The following HCN1 variants were observed in gnomAD, a reference collection of about 807,000 sequenced individuals.
HCN1 encodes hyperpolarization activated cyclic nucleotide gated potassium channel 1, also known as potassium/sodium hyperpolarization-activated cyclic nucleotide-gated channel 1.
Under a neutral mutation model 78.9 loss-of-function variants are expected in HCN1, and 13 were observed. The ratio of observed to expected loss-of-function variants is 0.16; its 90% CI spans 0.11 to 0.26. HCN1 has a LOEUF of 0.26. Among genes scored for constraint, HCN1 ranks in the 10% least tolerant of loss-of-function variants. The pLI is 1.00. For synonymous variants in HCN1, 552 were observed against 455.5 expected, an observed-to-expected ratio of 1.21 and a Z score of -2.70; for missense variants, 810 against 1,154.3, an observed-to-expected ratio of 0.70 and a Z score of 4.32.
chr5:45,448,931 T>A (rs1740852701), intron 3 of HCN1, among the ~76,000 whole-genome samples: 1 of 152,118 alleles, frequency 6.6e-6, no homozygotes, highest in Non-Finnish European at 1.5e-5. Context: ...CTGGCCAACA[T>A]GGGAAAATCC....
intron 5 of HCN1, among the ~76,000 whole-genome samples, chr5:45,319,694 T>G (rs1490862697): frequency 1.3e-5 from 2 of 151,622 alleles, no homozygotes; most frequent in East Asian, 3.9e-4. Context: ...ATTTGTTTCC[T>G]GGTTTTTTTT....
At chr5:45,659,248 C>A (rs1745865125) in intron 1 of HCN1, among the ~76,000 whole-genome samples, 1 of 138,718 alleles carries the variant, frequency 7.2e-6, no homozygotes, top group Non-Finnish European at 1.5e-5. Flanking sequence ...AGGGTCCTGT[C>A]TGTTAGAAGG....
chr5:45,371,770 T>G (rs1163916459), intron 4 of HCN1, among the ~76,000 whole-genome samples: 1 of 141,828 alleles, frequency 7.1e-6, no homozygotes, highest in Non-Finnish European at 1.5e-5. Flanking sequence ...AAAAAAAATA[T>G]ATATATATAT....
chr5:45,379,688 A>G (rs1375540950), intron 4 of HCN1, among the ~76,000 whole-genome samples: 1 of 152,130 alleles, frequency 6.6e-6, no homozygotes, highest in Non-Finnish European at 1.5e-5. Context: ...AGGAAAGCTT[A>G]GACTAACAAA....
chr5:45,524,125 C>A (rs186298027), intron 2 of HCN1, among the ~76,000 whole-genome samples: 1 of 152,162 alleles, frequency 6.6e-6, no homozygotes, highest in African/African-American at 2.4e-5. Flanking sequence ...GGAATCCTTT[C>A]GCCATTTCTT....
At chr5:45,308,620 T>A (rs72759966) in intron 5 of HCN1, among the ~76,000 whole-genome samples, 179 of 152,220 alleles carry the variant, frequency 1.2e-3, no homozygotes, top group Non-Finnish European at 5.9e-4. Context: ...GAAGACAAAT[T>A]GTATATATAT....
chr5:45,551,290 T>G (rs960996425), intron 2 of HCN1, among the ~76,000 whole-genome samples: 6 of 151,696 alleles, frequency 4.0e-5, no homozygotes, highest in Non-Finnish European at 7.4e-5. Context: ...AAGTGAAAAA[T>G]ATATTATGCT....
At chr5:45,550,589 T>C (rs1743346065) in intron 2 of HCN1, among the ~76,000 whole-genome samples, 1 of 152,112 alleles carries the variant, frequency 6.6e-6, no homozygotes, top group African/African-American at 2.4e-5. Context: ...GGCACATGTA[T>C]ACATATGTAA....
intron 4 of HCN1, among the ~76,000 whole-genome samples, chr5:45,360,755 T>C (rs1747092514): frequency 1.3e-5 from 2 of 152,112 alleles, no homozygotes. Context: ...TGAATTTGAT[T>C]TTCAATAAAA....
chr5:45,679,961 T>C (rs774973634), intron 1 of HCN1, among the ~76,000 whole-genome samples: 2 of 152,074 alleles, frequency 1.3e-5, no homozygotes, highest in East Asian at 3.8e-4. Context: ...ACCAAGCCTC[T>C]GGGAAAGAAT....
intron 1 of HCN1, 45 bp from the exon 2 acceptor site, chr5:45,645,653 C>A (rs2112032469): frequency 1.6e-6 from 2 of 1,271,748 alleles, no homozygotes; most frequent in East Asian, 4.6e-5. Flanking sequence ...AGAAAATAAC[C>A]AGCCTATCCC....
At chr5:45,684,527 T>C (rs1280640155) in intron 1 of HCN1, among the ~76,000 whole-genome samples, 1 of 152,134 alleles carries the variant, frequency 6.6e-6, no homozygotes, top group East Asian at 1.9e-4. Context: ...GAATGACTAT[T>C]CTATAGGAAA....
At chr5:45,307,424 A>C (rs1745758929) in intron 5 of HCN1, among the ~76,000 whole-genome samples, 1 of 152,150 alleles carries the variant, frequency 6.6e-6, no homozygotes, top group African/African-American at 2.4e-5. Context: ...CAATAGAGAA[A>C]CATGAAAAAC....
intron 5 of HCN1, among the ~76,000 whole-genome samples, chr5:45,316,464 A>G (rs1472646252): frequency 6.6e-6 from 1 of 152,214 alleles, no homozygotes; most frequent in African/African-American, 2.4e-5. Context: ...ATCATACTGA[A>G]TGGGCAAAAA....
intron 1 of HCN1, among the ~76,000 whole-genome samples, chr5:45,677,871 A>C (rs1307623778): frequency 6.6e-6 from 1 of 151,866 alleles, no homozygotes; most frequent in Admixed American, 6.6e-5. Flanking sequence ...AATTTACTCA[A>C]GTTAGGAGGA....
In HCN1 at chr5:45,568,805, C is replaced by T. The variant is rs370438397; in HGVS notation, c.849+76380G>A. On this transcript the variant is annotated intron_variant, in intron 2 of 7. Transcript: ENST00000303230. ...TTTTAAAATTATGTACGTAAGGGCT[C>T]GGAAAACAATACATCAAAATATGGT... 3.8e-4 allele frequency among the ~76,000 whole-genome samples: 58 copies of T among 151,800 alleles called. 3 individuals are homozygous for T. In the South Asian group the frequency reaches 0.011, roughly 29 times the overall value.
Position 45,470,398 on chromosome 5 carries a change from C to A in HCN1, c.850-8391G>T, listed in dbSNP as rs116427793. Among the ~76,000 whole-genome samples, 834 of 151,812 alleles carry A rather than the reference C, an allele frequency of 5.5e-3. 6 individuals carry two copies. Among genetic ancestry groups the A allele is most frequent in the Non-Finnish European group, 8.6e-3 (582 of 67,820 alleles). On this transcript the variant is annotated intron_variant, in intron 2 of 7. Transcript: ENST00000303230. The stretch of plus-strand genomic sequence containing the variant: ...AAAATATAAAAACATATTAGTGCAA[C>A]CCCCCTAAAAAAGAACATAAACCTT...
At chr5:45,438,564 T>C (rs1309810706) in intron 3 of HCN1, among the ~76,000 whole-genome samples, 2 of 148,378 alleles carry the variant, frequency 1.3e-5, no homozygotes, top group African/African-American at 5.0e-5. Flanking sequence ...CACTCCAGCC[T>C]GGGCCACAGA....
At chr5:45,417,197 T>C (rs1039621949) in intron 3 of HCN1, among the ~76,000 whole-genome samples, 7 of 151,992 alleles carry the variant, frequency 4.6e-5, no homozygotes, top group African/African-American at 1.4e-4. Context: ...TCACGGTATC[T>C]ATTGAAAGTT....
Sources: allele counts gnomAD v4.1 joint callset (sites outside exome capture counted in the v4.1 genomes callset), GRCh38; gene constraint gnomAD v4.1.1; transcripts MANE v1.5; gene names NCBI Gene and HGNC (gene_info 2026-07-23, HGNC 2026-07-21).